Variants in ADGRL2 observed in about 807,000 individuals in gnomAD.
ADGRL2 encodes the protein adhesion G protein-coupled receptor L2, also known as calcium-independent alpha-latrotoxin receptor 2.
In ADGRL2, 44 loss-of-function variants were observed where a neutral mutation model predicts 157.4. That is an observed-to-expected ratio of 0.28 (90% CI 0.22 to 0.36). The LOEUF (loss-of-function observed/expected upper bound fraction) is 0.36, where lower values mean the gene tolerates loss of function less well. ADGRL2 is among the 10% of genes least tolerant of loss of function. The pLI, the probability that ADGRL2 is intolerant of heterozygous loss-of-function variation, is 1.00. For missense variants in ADGRL2, 1,510 were observed against 1,768.9 expected, an observed-to-expected ratio of 0.85 and a Z score of 2.63; for synonymous variants, 585 against 624.7, an observed-to-expected ratio of 0.94 and a Z score of 0.95.
intron 2 of ADGRL2, among the ~76,000 whole-genome samples, chr1:81,486,527 T>C (rs930072208): frequency 1.3e-5 from 2 of 152,160 alleles, no homozygotes; most frequent in Non-Finnish European, 2.9e-5. Flanking sequence ...GAATATCTAC[T>C]ACATGTTGAT....
chr1:81,958,823 G>A (rs1654439823), intron 11 of ADGRL2, among the ~76,000 whole-genome samples: 1 of 152,080 alleles, frequency 6.6e-6, no homozygotes, highest in African/African-American at 2.4e-5. Flanking sequence ...AACCACTGAT[G>A]TGCTTTTCGT....
chr1:81,509,767 G>A (rs935375612), intron 2 of ADGRL2, among the ~76,000 whole-genome samples: 5 of 152,158 alleles, frequency 3.3e-5, no homozygotes, highest in African/African-American at 1.2e-4. Flanking sequence ...ACTGTGCCAG[G>A]CAAGCGCTCT....
chr1:81,696,618 G>A (rs764816631), upstream of ADGRL2, among the ~76,000 whole-genome samples: 2 of 152,100 alleles, frequency 1.3e-5, no homozygotes, highest in Non-Finnish European at 2.9e-5. Context: ...CGGGTGTGGT[G>A]GCGGGCGCCT....
chr1:81,482,408 TTA>T (rs1380818475), intron 2 of ADGRL2, among the ~76,000 whole-genome samples: 2 of 151,940 alleles, frequency 1.3e-5, no homozygotes, highest in Non-Finnish European at 2.9e-5. Context: ...TTAAAAAAAA[TTA>T]TCTTTGCTCT....
chr1:81,427,670 G>T (rs1046280988), intron 1 of ADGRL2: 5 of 501,072 alleles, frequency 1.0e-5, no homozygotes, highest in Non-Finnish European at 1.8e-5. Context: ...TGTTAGGAAA[G>T]CTGGAGGTTA....
In ADGRL2 at chr1:81,738,134, A is replaced by T. The variant is rs529670052; in HGVS notation, c.-142-23677A>T. On this transcript the variant is annotated intron_variant, in intron 1 of 20. Transcript: ENST00000359929. ...ACAAAAAATGTATCAATATTGTCTG[A>T]TTATGTCTTCATGGTGCCATACAAT... Among the ~76,000 whole-genome samples, 8 of 152,314 alleles carry T rather than the reference A, an allele frequency of 5.3e-5. No homozygotes were observed. In the South Asian group the frequency reaches 1.7e-3, roughly 32 times the overall value.
intron 2 of ADGRL2, among the ~76,000 whole-genome samples, chr1:81,575,261 A>G (rs988875505): frequency 2.0e-5 from 3 of 152,164 alleles, no homozygotes; most frequent in Admixed American, 2.0e-4. Flanking sequence ...TTGTCTGATG[A>G]AGTACAGATG....
At chr1:81,652,547 G>C (rs2082442723) in intron 3 of ADGRL2, among the ~76,000 whole-genome samples, 1 of 152,068 alleles carries the variant, frequency 6.6e-6, no homozygotes, top group Non-Finnish European at 1.5e-5. Flanking sequence ...ATATTTGTTG[G>C]TGCTTCCAGA....
chr1:81,574,564 G>T (rs1022603564), intron 2 of ADGRL2, among the ~76,000 whole-genome samples: 1 of 152,242 alleles, frequency 6.6e-6, no homozygotes, highest in Middle Eastern at 3.4e-3. Flanking sequence ...TTCCCAAGTG[G>T]TCTTTAAGGG....
chr1:81,767,649 A>C (rs1180684373), intron 2 of ADGRL2, among the ~76,000 whole-genome samples: 1 of 151,990 alleles, frequency 6.6e-6, no homozygotes, highest in Admixed American at 6.6e-5. Flanking sequence ...AGGCAGGAGG[A>C]TCACTTAAAT....
At chr1:81,525,303 A>T (rs778400214) in intron 2 of ADGRL2, among the ~76,000 whole-genome samples, 8 of 151,774 alleles carry the variant, frequency 5.3e-5, no homozygotes, top group South Asian at 2.1e-4. Context: ...AAAAATGTCA[A>T]CATGGACATT....
At position 81,819,048 on chromosome 1, in the gene ADGRL2, T is replaced by C. The variant is rs141017202; in HGVS notation, c.-100-17837T>C. On this transcript the variant is annotated intron_variant, in intron 1 of 23. Coordinates refer to ENST00000686636, the MANE Select transcript of ADGRL2 (RefSeq NM_001366006.2). ...ACAGCCTGCTCTTTTAAGATTCTCT[T>C]GTAGGCCACAAAATGTTGTTGATAT... Among the ~76,000 whole-genome samples the C allele has an allele frequency of 5.8e-4, 89 of 152,238 alleles. No homozygotes were observed. The East Asian group carries it at 0.016, about 28-fold the overall frequency.
upstream of ADGRL2, among the ~76,000 whole-genome samples, chr1:81,699,250 C>G (rs779497870): frequency 1.2e-4 from 19 of 152,062 alleles, no homozygotes; most frequent in Non-Finnish European, 2.5e-4. Flanking sequence ...ATAAAAAGAG[C>G]CCATTTTTGC....
At chr1:81,778,277 A>C (rs370756441) in intron 2 of ADGRL2, among the ~76,000 whole-genome samples, 14 of 151,314 alleles carry the variant, frequency 9.3e-5, no homozygotes, top group African/African-American at 3.2e-4. Context: ...AGCGGAGATC[A>C]CGCCACTGCA....
Position 81,742,127 on chromosome 1 carries a change from G to C in ADGRL2, c.-142-19684G>C, listed in dbSNP as rs546252079. The stretch of plus-strand genomic sequence containing the variant: ...GAAATCCTGTTTTAGCTTCAATCCT[G>C]GCTTTGTCTACTAGCCATATGATTT... On this transcript the variant is annotated intron_variant, in intron 1 of 20. Transcript: ENST00000359929. 3.2e-4 allele frequency among the ~76,000 whole-genome samples: 49 copies of C among 151,898 alleles called. No individual in the cohort carries two copies. In the South Asian group the frequency reaches 1.0e-2, roughly 31 times the overall value.
chr1:81,469,998 T>C (rs2078137708), intron 2 of ADGRL2, among the ~76,000 whole-genome samples: 1 of 152,218 alleles, frequency 6.6e-6, no homozygotes, highest in African/African-American at 2.4e-5. Flanking sequence ...AAAGAGCTTC[T>C]GCAGAGGGCG....
intron 2 of ADGRL2, among the ~76,000 whole-genome samples, chr1:81,474,934 T>C (rs2078241638): frequency 6.6e-6 from 1 of 152,166 alleles, no homozygotes; most frequent in Non-Finnish European, 1.5e-5. Context: ...GGCAAAGATT[T>C]ATGCTGCCAC....
chr1:81,883,881 T>C (rs1239831099), intron 2 of ADGRL2, among the ~76,000 whole-genome samples: 2 of 152,240 alleles, frequency 1.3e-5, no homozygotes. Context: ...GTAGCCATTA[T>C]ATTGATGTGC....
intron 1 of ADGRL2, among the ~76,000 whole-genome samples, chr1:81,809,894 C>T (rs1265595710): frequency 1.3e-5 from 2 of 151,850 alleles, no homozygotes; most frequent in Admixed American, 6.6e-5. Context: ...TCTATATCTC[C>T]TGCCTGTGGA....
Sources: gnomAD v4.1 joint callset for allele counts (sites outside exome capture counted in the v4.1 genomes callset) on GRCh38, gnomAD v4.1.1 for gene constraint, MANE v1.5 for transcripts, NCBI Gene and HGNC (gene_info 2026-07-23, HGNC 2026-07-21) for gene names.